PDGFRL: variants seen among roughly 807,000 people sequenced by gnomAD.
PDGFRL encodes platelet-derived growth factor receptor-like protein.
PDGFRL carries 46 observed loss-of-function variants against 37.2 expected under a neutral mutation model. The ratio of observed to expected loss-of-function variants is 1.24; its 90% CI spans 0.98 to 1.58. The LOEUF is 1.58. Among genes scored for constraint, PDGFRL ranks in the 40% most tolerant of loss-of-function variants. The pLI, the probability that PDGFRL is intolerant of heterozygous loss-of-function variation, is 0.00. For synonymous variants in PDGFRL, 251 were observed against 184.3 expected (o/e 1.36, Z -2.93); for missense variants, 692 against 467.6 (o/e 1.48, Z -4.43).
At chr8:17,631,933 C>G (rs1218048989) in intron 4 of PDGFRL, among the ~76,000 whole-genome samples, 4 of 152,214 alleles carry the variant, frequency 2.6e-5, no homozygotes, top group African/African-American at 9.6e-5. Flanking sequence ...ACACTGGTAA[C>G]TCCCAAGTGA....
intron 2 of PDGFRL, among the ~76,000 whole-genome samples, chr8:17,590,917 C>G (rs1033892692): frequency 1.4e-5 from 2 of 139,502 alleles, no homozygotes; most frequent in Non-Finnish European, 3.0e-5. Flanking sequence ...GAGTCTCGCT[C>G]TGTCCCACAG....
intron 1 of PDGFRL, among the ~76,000 whole-genome samples, chr8:17,579,316 A>G (rs1803656758): frequency 1.3e-5 from 2 of 152,040 alleles, no homozygotes; most frequent in South Asian, 4.1e-4. Flanking sequence ...ACCTATTAAG[A>G]ATGGTTTTTG....
At chr8:17,630,430 C>G (rs1804838378) in intron 4 of PDGFRL, among the ~76,000 whole-genome samples, 2 of 152,208 alleles carry the variant, frequency 1.3e-5, no homozygotes, top group South Asian at 4.1e-4. Context: ...GTAGGGAGAT[C>G]TGTTGGTCAT....
chr8:17,602,739 C>T (rs1173016953), intron 2 of PDGFRL, among the ~76,000 whole-genome samples: 2 of 151,950 alleles, frequency 1.3e-5, no homozygotes, highest in African/African-American at 4.8e-5. Flanking sequence ...CTGGTCTACT[C>T]TGCGATGCTT....
chr8:17,590,826 A>G (rs183155032), intron 2 of PDGFRL, among the ~76,000 whole-genome samples: 2 of 152,240 alleles, frequency 1.3e-5, no homozygotes, highest in African/African-American at 2.4e-5. Context: ...TCTGTGAGCA[A>G]CTTGACCAGA....
intron 2 of PDGFRL, among the ~76,000 whole-genome samples, chr8:17,595,290 G>A (rs2517155): frequency 0.84 from 126,991 of 151,928 alleles, 55,555 homozygotes; most frequent in Non-Finnish European, 0.96. Flanking sequence ...TTAGCCTGGC[G>A]TTCAAAGCCT....
intron 2 of PDGFRL, among the ~76,000 whole-genome samples, chr8:17,601,448 C>T (rs372763779): frequency 5.6e-5 from 8 of 142,710 alleles, no homozygotes; most frequent in East Asian, 3.9e-4. Context: ...CTTATACCCC[C>T]GTTTTTGTTT....
chr8:17,628,060 C>G lies in PDGFRL; in HGVS notation c.506-427C>G, dbSNP rs543989120. Among the ~76,000 whole-genome samples, 995 of 129,744 alleles carry G rather than the reference C, an allele frequency of 7.7e-3. 13 individuals carry two copies. Among genetic ancestry groups the G allele is most frequent in the African/African-American group, 0.028 (929 of 33,588 alleles). The allele number at this position is 129,744 out of a possible 152,430, so 85.1% of individuals were successfully genotyped here. ...CCAGGCTGGAGTGCAGTGGCGCTAT[C>G]TCGGCTCACTGCAAGCTCCGCCTCC... On this transcript the variant is annotated intron_variant, in intron 3 of 5. Coordinates refer to ENST00000251630, the MANE Select transcript of PDGFRL (RefSeq NM_001372073.1).
intron 2 of PDGFRL, among the ~76,000 whole-genome samples, chr8:17,600,037 C>T (rs1286393285): frequency 6.6e-6 from 1 of 152,176 alleles, no homozygotes; most frequent in Non-Finnish European, 1.5e-5. Context: ...CCCCATGCAC[C>T]CTGCAGCCAT....
intron 2 of PDGFRL, among the ~76,000 whole-genome samples, chr8:17,609,417 G>C (rs1194940630): frequency 6.6e-6 from 1 of 151,846 alleles, no homozygotes; most frequent in South Asian, 2.1e-4. Context: ...GCAGGTTGCA[G>C]TGAGCTGAGA....
At chr8:17,613,784 T>A (rs888678386) in intron 2 of PDGFRL, among the ~76,000 whole-genome samples, 1 of 152,142 alleles carries the variant, frequency 6.6e-6, no homozygotes, top group Non-Finnish European at 1.5e-5. Context: ...AAGGCTGAGG[T>A]GGGAGGATGG....
intron 2 of PDGFRL, among the ~76,000 whole-genome samples, chr8:17,611,437 G>C (rs1804409530): frequency 6.6e-6 from 1 of 152,216 alleles, no homozygotes; most frequent in Admixed American, 6.5e-5. Flanking sequence ...GCTGACTCCT[G>C]AGTGCATGCT....
In PDGFRL at chr8:17,643,064, A is replaced by C; in HGVS notation, c.*263A>C. 1 of 353,468 alleles carries C rather than the reference A, an allele frequency of 2.8e-6. No individual in the cohort carries two copies. The highest frequency in any genetic ancestry group is 5.0e-6 in the Non-Finnish European group (1 of 198,572). The allele number at this position is 353,468 out of a possible 1,614,324, so 21.9% of individuals were successfully genotyped here. ...CCTAGTTTTTATACATGTGTAAACA[A>C]TTTTATATAATCAATCATTTCTATT... is the stretch of plus-strand genomic sequence containing the variant. On this transcript the variant is annotated 3_prime_UTR_variant, in exon 6 of 6. Transcript: ENST00000251630.
chr8:17,633,361 G>C (rs1388629899), intron 4 of PDGFRL, among the ~76,000 whole-genome samples: 1 of 152,188 alleles, frequency 6.6e-6, no homozygotes, highest in Non-Finnish European at 1.5e-5. Flanking sequence ...GCAGGAGTTT[G>C]AGGCTGCAGA....
At chr8:17,626,044 T>C (rs1804727475) in intron 3 of PDGFRL, among the ~76,000 whole-genome samples, 1 of 152,210 alleles carries the variant, frequency 6.6e-6, no homozygotes, top group African/African-American at 2.4e-5. Flanking sequence ...ATTCACACGG[T>C]TCACTTATTC....
At chr8:17,605,792 A>G (rs1405224640) in intron 2 of PDGFRL, among the ~76,000 whole-genome samples, 2 of 152,154 alleles carry the variant, frequency 1.3e-5, no homozygotes, top group African/African-American at 4.8e-5. Context: ...ATCTGGTCGG[A>G]TGTTAGCATT....
At chr8:17,618,165 C>A (rs1804565227) in intron 2 of PDGFRL, among the ~76,000 whole-genome samples, 2 of 152,062 alleles carry the variant, frequency 1.3e-5, no homozygotes, top group African/African-American at 4.8e-5. Flanking sequence ...CTCAAGAGAT[C>A]CTCCCACATC....
chr8:17,587,808 T>A (rs1803848455), intron 1 of PDGFRL, among the ~76,000 whole-genome samples: 1 of 152,130 alleles, frequency 6.6e-6, no homozygotes, highest in Middle Eastern at 3.2e-3. Context: ...TTTTGTATTT[T>A]TAGTAGAGAT....
intron 2 of PDGFRL, among the ~76,000 whole-genome samples, chr8:17,605,213 G>A (rs952657105): frequency 7.9e-5 from 12 of 152,162 alleles, no homozygotes; most frequent in Non-Finnish European, 1.8e-4. Flanking sequence ...ACCGCATTGT[G>A]AGGGTTAGCC....
Sources: gnomAD v4.1 joint callset for allele counts (sites outside exome capture counted in the v4.1 genomes callset) on GRCh38, gnomAD v4.1.1 for gene constraint, MANE v1.5 for transcripts, NCBI Gene and HGNC (gene_info 2026-07-23, HGNC 2026-07-21) for gene names.